Variants in INO80D observed in about 807,000 individuals in gnomAD.
INO80D encodes the protein INO80 complex subunit D.
A neutral mutation model predicts 87.6 loss-of-function variants in INO80D; 21 were observed. The ratio of observed to expected loss-of-function variants is 0.24; its 90% CI spans 0.17 to 0.35. INO80D has a LOEUF of 0.35. Among genes scored for constraint, INO80D ranks in the 10% least tolerant of loss-of-function variants. The probability of loss-of-function intolerance (pLI) is 1.00; values close to 1 mark genes in which losing one functional copy is unlikely to be tolerated. For synonymous variants in INO80D, 440 were observed against 491.0 expected (o/e 0.90, Z 1.37); for missense variants, 982 against 1,280.7 (o/e 0.77, Z 3.56).
chr2:206,061,357 A>C (rs1162801338), intron 3 of INO80D, among the ~76,000 whole-genome samples: 1 of 152,212 alleles, frequency 6.6e-6, no homozygotes, highest in Admixed American at 6.5e-5. Flanking sequence ...CTGAAAAAAA[A>C]TCCAACACTG....
chr2:206,055,129 AT>A (rs1689479766), intron 4 of INO80D, among the ~76,000 whole-genome samples: 1 of 152,150 alleles, frequency 6.6e-6, no homozygotes, highest in African/African-American at 2.4e-5. Flanking sequence ...TTGACTATTC[AT>A]ATCTCTTCAC....
chr2:206,029,382 C>T (rs965870992), intron 5 of INO80D, among the ~76,000 whole-genome samples: 6 of 152,176 alleles, frequency 3.9e-5, no homozygotes, highest in Non-Finnish European at 8.8e-5. Flanking sequence ...TGGCTACCAC[C>T]AGCAAGGTTT....
rs1212714122 is a variant in INO80D at position 206,004,934 on chromosome 2, T to C, written c.2518A>G (p.Ser840Gly). 3 of 1,613,860 alleles carry C rather than the reference T, an allele frequency of 1.9e-6. No individual in the cohort carries two copies. The highest frequency in any genetic ancestry group is 1.3e-5 in the African/African-American group (1 of 74,924). ...YDSEHVPSPY[S>G]DHITSPHTTS... ...GTGTGGGGAGAGGTGATATGGTCAC[T>C]GTAGGGAGACGGCACATGCTCACTA... is the stretch of plus-strand genomic sequence containing the variant. The change falls in exon 11 of 11, where the codon AGT (serine) becomes GGT (glycine). Residue 840 changes from serine (S) to glycine (G), a missense_variant. Ser to Gly is a moderately conservative substitution (Grantham distance 56, BLOSUM62 0). Coordinates refer to ENST00000403263, the MANE Select transcript of INO80D (RefSeq NM_017759.5). This position sits in a 1 kb window ranked among gnomAD's most constrained non-coding sequence, Gnocchi z 4.9.
chr2:206,031,858 G>GT (rs879521041), intron 5 of INO80D, among the ~76,000 whole-genome samples: 5 of 152,192 alleles, frequency 3.3e-5, no homozygotes, highest in Admixed American at 1.3e-4. Flanking sequence ...TCCAAATACC[G>GT]TGAGTGCCCA....
chr2:206,015,031 G>A (rs533487682), intron 8 of INO80D, among the ~76,000 whole-genome samples: 43 of 152,338 alleles, frequency 2.8e-4, no homozygotes, highest in African/African-American at 9.1e-4. Flanking sequence ...ATGGAACTTT[G>A]AACTTGAGAG....
intron 1 of INO80D, among the ~76,000 whole-genome samples, chr2:206,070,091 A>T (rs1290943803): frequency 6.6e-6 from 1 of 152,018 alleles, no homozygotes; most frequent in East Asian, 1.9e-4. Context: ...CCTGGGCAAC[A>T]GAGCGAAACC....
chr2:206,067,942 CA>C (rs1421201003), intron 1 of INO80D, among the ~76,000 whole-genome samples: 5 of 147,218 alleles, frequency 3.4e-5, no homozygotes, highest in East Asian at 2.0e-4. Flanking sequence ...AACCCTGTTT[CA>C]AAAAAAAAAT....
intron 8 of INO80D, among the ~76,000 whole-genome samples, chr2:206,013,464 A>C (rs1688233246): frequency 6.6e-6 from 1 of 151,698 alleles, no homozygotes; most frequent in Admixed American, 6.6e-5. Flanking sequence ...AGACAGAAGA[A>C]TGGCGTGAAC....
chr2:206,071,666 CA>C (rs1334442668), intron 1 of INO80D, among the ~76,000 whole-genome samples: 8 of 151,242 alleles, frequency 5.3e-5, no homozygotes, highest in African/African-American at 1.7e-4. Context: ...AATGTTTCTG[CA>C]ATGTTACTTT....
In INO80D at chr2:206,004,394, A is replaced by G. The variant is rs1211188232; in HGVS notation, c.3058T>C (p.Ser1020Pro). 1.3e-6 allele frequency: 2 copies of G among 1,599,322 alleles called. No individual in the cohort carries two copies. The highest frequency in any genetic ancestry group is 1.7e-6 in the Non-Finnish European group (2 of 1,173,102). Residue 1020 changes from serine to proline, a missense_variant, in exon 11 of 11, where the codon TCT becomes CCT. Ser to Pro is a moderately conservative substitution (Grantham distance 74). Transcript: ENST00000403263. This position sits in a 1 kb window ranked among gnomAD's most constrained non-coding sequence, Gnocchi z 4.9. ...GATATSTNNA[S>P]SPFPSPN ...CAGTTAGGGGAGGGAAAGGGAGAAG[A>G]TGCATTATTGGTACTTGTAGCTGTG... is the stretch of plus-strand genomic sequence containing the variant.
chr2:206,061,486 AG>A (rs1211720753), intron 3 of INO80D, among the ~76,000 whole-genome samples: 2 of 152,252 alleles, frequency 1.3e-5, no homozygotes, highest in African/African-American at 2.4e-5. Flanking sequence ...AAAAAAAGGC[AG>A]GGTAAGAAAT....
chr2:206,038,694 G>A (rs1361070355), intron 5 of INO80D, among the ~76,000 whole-genome samples: 2 of 152,074 alleles, frequency 1.3e-5, no homozygotes, highest in East Asian at 1.9e-4. Context: ...ATAGCCAGGC[G>A]TGCTGGTACA....
intron 8 of INO80D, among the ~76,000 whole-genome samples, chr2:206,014,335 T>C (rs1688262497): frequency 6.6e-6 from 1 of 152,222 alleles, no homozygotes; most frequent in South Asian, 2.1e-4. Context: ...AAGAAGCCAG[T>C]TGATCTGGTT....
chr2:206,080,345 C>T (rs74593409), intron 1 of INO80D, among the ~76,000 whole-genome samples: 11,957 of 152,214 alleles, frequency 0.079, 716 homozygotes, highest in Admixed American at 0.19. Context: ...CCTGAAAGAG[C>T]GGAACGAGGA....
intron 6 of INO80D, among the ~76,000 whole-genome samples, chr2:206,020,677 C>T (rs1157069878): frequency 6.6e-6 from 1 of 151,962 alleles, no homozygotes; most frequent in Admixed American, 6.6e-5. Context: ...TATGAATAAG[C>T]AATGCATTCA....
At chr2:206,011,386 T>C (rs539232439) in intron 8 of INO80D, among the ~76,000 whole-genome samples, 1 of 152,330 alleles carries the variant, frequency 6.6e-6, no homozygotes, top group Non-Finnish European at 1.5e-5. Context: ...TGTGGCACTC[T>C]TGGTACTATG....
intron 1 of INO80D, among the ~76,000 whole-genome samples, chr2:206,065,510 C>T (rs1008363121): frequency 1.3e-5 from 2 of 151,816 alleles, no homozygotes; most frequent in Non-Finnish European, 2.9e-5. Context: ...CTGAAAAGTA[C>T]AGACAATAAG....
At chr2:206,028,697 G>A (rs935960791) in intron 5 of INO80D, among the ~76,000 whole-genome samples, 4 of 152,046 alleles carry the variant, frequency 2.6e-5, no homozygotes, top group Admixed American at 1.3e-4. Flanking sequence ...TGACAGTTAT[G>A]AGGAAACACA....
chr2:206,075,636 C>T (rs577763671), intron 1 of INO80D, among the ~76,000 whole-genome samples: 6 of 151,854 alleles, frequency 4.0e-5, no homozygotes, highest in African/African-American at 1.4e-4. Flanking sequence ...GAGGGTTTCA[C>T]CATGTTGGCC....
Sources: gnomAD v4.1 joint callset for allele counts (sites outside exome capture counted in the v4.1 genomes callset) on GRCh38, gnomAD v4.1.1 for gene constraint, Gnocchi (gnomAD v3.1) non-coding constraint, MANE v1.5 for transcripts, NCBI Gene and HGNC (gene_info 2026-07-23, HGNC 2026-07-21) for gene names.